The following WWOX variants were observed in gnomAD, a reference collection of about 807,000 sequenced individuals.
WWOX encodes the protein WW domain-containing oxidoreductase.
A neutral mutation model predicts 46.2 loss-of-function variants in WWOX; 69 were observed. That is an observed-to-expected ratio of 1.49 (90% CI 1.23 to 1.82). The LOEUF is 1.82. WWOX is among the 40% of genes most tolerant of loss of function. The probability of loss-of-function intolerance (pLI) is 0.00; values close to 1 mark genes in which losing one functional copy is unlikely to be tolerated. For missense variants in WWOX, 919 were observed against 542.6 expected (o/e 1.69, Z -6.89); for synonymous variants, 359 against 202.6 (o/e 1.77, Z -6.56).
intron 8 of WWOX, among the ~76,000 whole-genome samples, chr16:78,871,291 C>T (rs931827303): frequency 2.6e-5 from 4 of 151,994 alleles, no homozygotes; most frequent in Non-Finnish European, 4.4e-5. Context: ...AACCTGTATG[C>T]ACTGCTGAAC....
intron 8 of WWOX, among the ~76,000 whole-genome samples, chr16:79,036,398 C>G (rs949145231): frequency 6.6e-6 from 1 of 152,206 alleles, no homozygotes; most frequent in African/African-American, 2.4e-5. Flanking sequence ...CCATTCTTGC[C>G]TCATAGAATT....
chr16:78,927,448 C>G (rs531042527), intron 8 of WWOX, among the ~76,000 whole-genome samples: 1 of 152,150 alleles, frequency 6.6e-6, no homozygotes, highest in South Asian at 2.1e-4. Flanking sequence ...TTTGTAAATT[C>G]TCTGTGGGTA....
At chr16:78,332,742 G>T (rs1039976475) in intron 5 of WWOX, among the ~76,000 whole-genome samples, 1 of 152,160 alleles carries the variant, frequency 6.6e-6, no homozygotes, top group Non-Finnish European at 1.5e-5. Flanking sequence ...GGATCACTGA[G>T]TGTGCCTTTT....
chr16:78,829,159 G>C (rs145913816), intron 8 of WWOX, among the ~76,000 whole-genome samples: 1 of 152,286 alleles, frequency 6.6e-6, no homozygotes, highest in Non-Finnish European at 1.5e-5. Context: ...TAGGCAGACA[G>C]ATAGCTAGAC....
intron 5 of WWOX, among the ~76,000 whole-genome samples, chr16:78,261,275 A>G (rs1200939525): frequency 1.1e-5 from 1 of 90,488 alleles, no homozygotes; most frequent in Non-Finnish European, 2.3e-5. Flanking sequence ...AGATAGATAG[A>G]TAGATAGATA....
chr16:78,435,847 G>T (rs779439510), intron 8 of WWOX, among the ~76,000 whole-genome samples: 1 of 152,172 alleles, frequency 6.6e-6, no homozygotes, highest in African/African-American at 2.4e-5. Flanking sequence ...ACAGGTTAGT[G>T]TAAGGACCGA....
At chr16:78,572,762 G>T (rs192244948) in intron 8 of WWOX, among the ~76,000 whole-genome samples, 2 of 152,102 alleles carry the variant, frequency 1.3e-5, no homozygotes, top group Non-Finnish European at 2.9e-5. Context: ...ATATGAGCTA[G>T]TGTTTTCCCA....
At chr16:78,147,727 G>T (rs2034257615) in intron 4 of WWOX, among the ~76,000 whole-genome samples, 1 of 133,918 alleles carries the variant, frequency 7.5e-6, no homozygotes, top group Admixed American at 7.9e-5. Context: ...AATTAGAAAG[G>T]TAGCACATTG....
intron 5 of WWOX, among the ~76,000 whole-genome samples, chr16:78,233,092 A>T (rs1005344803): frequency 5.9e-5 from 9 of 152,204 alleles, no homozygotes; most frequent in African/African-American, 2.2e-4. Context: ...AGAAAGAAAT[A>T]CCCATTATTT....
At chr16:78,327,050 G>T (rs1329614598) in intron 5 of WWOX, among the ~76,000 whole-genome samples, 4 of 152,024 alleles carry the variant, frequency 2.6e-5, no homozygotes, top group Admixed American at 6.6e-5. Context: ...TCAGCACTGC[G>T]CTGGGCACTG....
chr16:78,520,598 T>C (rs1248284878), intron 8 of WWOX, among the ~76,000 whole-genome samples: 1 of 148,640 alleles, frequency 6.7e-6, no homozygotes, highest in Non-Finnish European at 1.5e-5. Context: ...GGAAGGCTGC[T>C]GGGACTCACT....
At chr16:79,031,122 C>G (rs1321135861) in intron 8 of WWOX, among the ~76,000 whole-genome samples, 4 of 149,594 alleles carry the variant, frequency 2.7e-5, no homozygotes, top group African/African-American at 9.8e-5. Flanking sequence ...CAGTAGGAAA[C>G]TATATAAACA....
At chr16:78,750,435 C>G (rs1374160495) in intron 8 of WWOX, among the ~76,000 whole-genome samples, 2 of 152,102 alleles carry the variant, frequency 1.3e-5, no homozygotes, top group Non-Finnish European at 2.9e-5. Flanking sequence ...AAGAACAGTG[C>G]TGTTTCATTT....
At chr16:78,277,586 G>C (rs1285859670) in intron 5 of WWOX, among the ~76,000 whole-genome samples, 1 of 152,184 alleles carries the variant, frequency 6.6e-6, no homozygotes, top group African/African-American at 2.4e-5. Context: ...GGCCCAATCT[G>C]CTTCAGTGTG....
At position 78,757,654 on chromosome 16, in the gene WWOX, T is replaced by C. The variant is rs150633479; in HGVS notation, c.1056+324902T>C. On this transcript the variant is annotated intron_variant, in intron 8 of 8. Transcript: ENST00000566780. ...TATGAATGAATACATTTTATTTATT[T>C]ATATAAATACATTATATTTATTCAC... 3.4e-3 allele frequency among the ~76,000 whole-genome samples: 517 copies of C among 152,060 alleles called. 3 individuals carry two copies. The highest frequency in any genetic ancestry group is 0.017 in the Middle Eastern group (5 of 290).
chr16:78,808,184 C>T (rs954053146), intron 8 of WWOX, among the ~76,000 whole-genome samples: 2 of 152,258 alleles, frequency 1.3e-5, no homozygotes, highest in African/African-American at 2.4e-5. Flanking sequence ...AAGATCATGT[C>T]CTCTTTTAAC....
chr16:78,673,125 A>G (rs1027982888), intron 8 of WWOX, among the ~76,000 whole-genome samples: 1 of 152,264 alleles, frequency 6.6e-6, no homozygotes, highest in Non-Finnish European at 1.5e-5. Flanking sequence ...ACGTGCAGAC[A>G]TGTCCTGAAG....
rs540635371 is a variant in WWOX at position 78,350,886 on chromosome 16, A to G, written c.517-35974A>G. On this transcript the variant is annotated intron_variant, in intron 5 of 8. Coordinates refer to ENST00000566780, the MANE Select transcript of WWOX (RefSeq NM_016373.4). ...GAGGAGCCACCAGATTGTTCTCCACAGCAGCCACACCCATCTACATTCTAA... is the reference window on the plus strand; with the variant it reads ...GAGGAGCCACCAGATTGTTCTCCACGGCAGCCACACCCATCTACATTCTAA... Among the ~76,000 whole-genome samples, 7 of 105,950 alleles carry G rather than the reference A, an allele frequency of 6.6e-5. 2 individuals carry two copies. Among genetic ancestry groups the G allele is most frequent in the Non-Finnish European group, 1.6e-4 (7 of 43,304 alleles). The allele number at this position is 105,950 out of a possible 152,430, so 69.5% of individuals were successfully genotyped here.
At chr16:79,109,787 T>A (rs2049381685) in intron 8 of WWOX, among the ~76,000 whole-genome samples, 1 of 152,134 alleles carries the variant, frequency 6.6e-6, no homozygotes, top group African/African-American at 2.4e-5. Flanking sequence ...TAGGAAGAAA[T>A]CAGAGTCATT....
Sources: allele counts gnomAD v4.1 joint callset (sites outside exome capture counted in the v4.1 genomes callset), GRCh38; gene constraint gnomAD v4.1.1; transcripts MANE v1.5; gene names NCBI Gene and HGNC (gene_info 2026-07-23, HGNC 2026-07-21).